Variants in AGAP3 observed in about 807,000 individuals in gnomAD.
The protein encoded by AGAP3 is arf-GAP with GTPase, ANK repeat and PH domain-containing protein 3.
In AGAP3, 24 loss-of-function variants were observed where a neutral mutation model predicts 96.9. The ratio of observed to expected loss-of-function variants is 0.25; its 90% CI spans 0.18 to 0.35. The LOEUF (loss-of-function observed/expected upper bound fraction) is 0.35, where lower values mean the gene tolerates loss of function less well. AGAP3 is among the 10% of genes least tolerant of loss of function. The pLI, the probability that AGAP3 is intolerant of heterozygous loss-of-function variation, is 1.00. For missense variants in AGAP3, 876 were observed against 1,254.2 expected, an observed-to-expected ratio of 0.70 and a Z score of 4.55; for synonymous variants, 563 against 536.1, an observed-to-expected ratio of 1.05 and a Z score of -0.69.
chr7:151,094,129 C>T (rs1798504962), intron 1 of AGAP3, among the ~76,000 whole-genome samples: 2 of 152,154 alleles, frequency 1.3e-5, no homozygotes, highest in Non-Finnish European at 1.5e-5. Flanking sequence ...TAACAAAGCT[C>T]TGCCGCTTGG....
chr7:151,123,031 C>T, intron 8 of AGAP3: 2 of 1,354,744 alleles, frequency 1.5e-6, no homozygotes, highest in Non-Finnish European at 1.9e-6. Flanking sequence ...GAGAAGAAGG[C>T]AGCTCGGCCC....
rs1425823642 is a variant in AGAP3, at chr7:151,143,522, G to A, written c.2455G>A (p.Asp819Asn). Residue 819 changes from aspartate to asparagine, a missense_variant, in exon 17 of 18, where the codon GAC becomes AAC. Transcript: ENST00000397238. The surrounding 1 kb of genome is among the most constrained non-coding windows in gnomAD (Gnocchi z 5.9). ...SKEEVNETYG[D>N]GDGRTALHLS... ...AGAGGAGGTGAATGAGACCTATGGG[G>A]ACGGGGACGGGCGGACGGCTCTACA... 6.2e-6 allele frequency: 10 copies of A among 1,614,088 alleles called. No individual in the cohort carries two copies. Among genetic ancestry groups the A allele is most frequent in the African/African-American group, 2.7e-5 (2 of 74,934 alleles).
At position 151,134,641 on chromosome 7, in the gene AGAP3, T is replaced by C. The variant is rs1800525320; in HGVS notation, c.1495+73T>C. On this transcript the variant is annotated intron_variant, in intron 11 of 17. Coordinates refer to ENST00000397238, the MANE Select transcript of AGAP3 (RefSeq NM_031946.7). ...CCAAGGCAAGCAGGCATTCTGGGCT[T>C]GGCTGCTTCTCAGCCTGGGCACAGG... 5 of 1,456,804 alleles carry C rather than the reference T, an allele frequency of 3.4e-6. No homozygotes were observed. The Admixed American group carries it at 8.1e-5, about 24-fold the overall frequency. 90.2% of individuals were successfully genotyped at this position (1,456,804 alleles called of 1,614,324 possible).
chr7:151,122,316 T>C (rs1241279550), intron 8 of AGAP3, among the ~76,000 whole-genome samples: 2 of 151,758 alleles, frequency 1.3e-5, no homozygotes, highest in South Asian at 4.1e-4. Context: ...TGCCCGGTTC[T>C]CCTTGTTCCC....
Position 151,142,947 on chromosome 7 carries a change from T to G in AGAP3, c.2273+313T>G, listed in dbSNP as rs1013549483. Among the ~76,000 whole-genome samples, 2 of 152,132 alleles carry G rather than the reference T, an allele frequency of 1.3e-5. No individual in the cohort carries two copies. Among genetic ancestry groups the G allele is most frequent in the Non-Finnish European group, 2.9e-5 (2 of 68,004 alleles). ...TGAGATGGGGAGAATGGGTGAGAGA[T>G]AGGGGAGTGTGTGGCCCCCCAGTGC... On this transcript the variant is annotated intron_variant, in intron 16 of 17. Coordinates refer to ENST00000397238, the MANE Select transcript of AGAP3 (RefSeq NM_031946.7). The surrounding 1 kb of genome is among the most constrained non-coding windows in gnomAD (Gnocchi z 7.5).
intron 11 of AGAP3, among the ~76,000 whole-genome samples, chr7:151,137,559 C>T (rs1033800359): frequency 1.3e-5 from 2 of 152,126 alleles, no homozygotes; most frequent in Non-Finnish European, 1.5e-5. Context: ...CCTCCACTGC[C>T]GGCCGCCGCG....
chr7:151,142,663 A>T lies in AGAP3; in HGVS notation c.2273+29A>T. ...AGCAGATGGTGCCCTGGAGCTGGCC[A>T]GGAATGGGGGAAGCGTTGGGGGCTC... On this transcript the variant is annotated intron_variant, in intron 16 of 17. Coordinates refer to ENST00000397238, the MANE Select transcript of AGAP3 (RefSeq NM_031946.7). The surrounding 1 kb of genome is among the most constrained non-coding windows in gnomAD (Gnocchi z 7.5). 6.2e-7 allele frequency: 1 copy of T among 1,603,554 alleles called. No individual in the cohort carries two copies. Among genetic ancestry groups the T allele is most frequent in the Non-Finnish European group, 8.5e-7 (1 of 1,175,508 alleles).
intron 5 of AGAP3, 44 bp downstream of exon 5, chr7:151,117,821 CG>C (rs747259831): frequency 4.1e-5 from 64 of 1,570,508 alleles, no homozygotes; most frequent in African/African-American, 1.9e-4. Flanking sequence ...CAGGAAGTCC[CG>C]GGCAACGATG....
Position 151,123,857 on chromosome 7 carries a change from G to C in AGAP3, c.1192G>C (p.Gly398Arg). ...KAAECKVDSI[G>R]SGRAIPIKQG... ...TGCCGAGTGCAAGGTGGACAGCATCGGGAGCGGCCGCGCCATCCCCATCAA... is the reference window on the plus strand; with the variant it reads ...TGCCGAGTGCAAGGTGGACAGCATCCGGAGCGGCCGCGCCATCCCCATCAA... The change falls in exon 9 of 18, where the codon GGG (glycine) becomes CGG (arginine). Residue 398 changes from glycine to arginine, a missense_variant. Transcript: ENST00000397238. The C allele has an allele frequency of 6.2e-7, 1 of 1,610,982 alleles. No individual in the cohort carries two copies. The highest frequency in any genetic ancestry group is 8.5e-7 in the Non-Finnish European group (1 of 1,179,886).
Position 151,108,261 on chromosome 7 carries a change from G to A in AGAP3, c.332-8532G>A, listed in dbSNP as rs943908601. Among the ~76,000 whole-genome samples the A allele has an allele frequency of 2.6e-5, 4 of 152,190 alleles. No homozygotes were observed. Among genetic ancestry groups the A allele is most frequent in the Non-Finnish European group, 5.9e-5 (4 of 68,036 alleles). ...CAGCACAGAGCTCATGGATAGACAG[G>A]AAAACAAACTGCTCTCAAGTACCAT... On this transcript the variant is annotated intron_variant, in intron 1 of 17. Transcript: ENST00000397238. The surrounding 1 kb of genome is among the most constrained non-coding windows in gnomAD (Gnocchi z 4.2).
At chr7:151,137,681 T>C (rs182634556) in intron 11 of AGAP3, 46 of 159,230 alleles carry the variant, frequency 2.9e-4, no homozygotes, top group Non-Finnish European at 4.1e-4. Context: ...TAATTACTAA[T>C]ACTAATTAGA....
intron 1 of AGAP3, among the ~76,000 whole-genome samples, chr7:151,098,706 G>T (rs907844746): frequency 1.4e-5 from 2 of 147,774 alleles, no homozygotes; most frequent in Admixed American, 1.3e-4. Context: ...ATACTGAAGT[G>T]TATCCTCTTT....
rs930674998 is a variant in AGAP3, at chr7:151,139,966, C to T, written c.1667-13C>T. The T allele has an allele frequency of 1.5e-5, 23 of 1,535,460 alleles. No homozygotes were observed. In the East Asian group the frequency reaches 5.6e-4, roughly 37 times the overall value. ...CCCTTCTTCCCACACTTCTCCAACT[C>T]TCCCCTCACCAGCCAGTGGCCCAGC... On this transcript the variant is annotated splice_polypyrimidine_tract_variant and intron_variant, in intron 12 of 17. Coordinates refer to ENST00000397238, the MANE Select transcript of AGAP3 (RefSeq NM_031946.7). The surrounding 1 kb of genome is among the most constrained non-coding windows in gnomAD (Gnocchi z 4.9).
intron 8 of AGAP3, chr7:151,120,532 C>A: frequency 1.1e-6 from 1 of 902,672 alleles, no homozygotes; most frequent in Non-Finnish European, 1.6e-6. Flanking sequence ...AATGAACCGG[C>A]GGCCGGAAGG....
rs1481041482 is a variant in AGAP3, at chr7:151,118,542, A to G, written c.879A>G (p.Gln293=). Residue 293 remains glutamine (Q), a synonymous_variant, in exon 7 of 18, where the codon CAA becomes CAG. Transcript: ENST00000397238. The surrounding 1 kb of genome is among the most constrained non-coding windows in gnomAD (Gnocchi z 6.1). The stretch of plus-strand genomic sequence containing the variant: ...TAGTGGCCTTGCGAAAGAAGCAGCA[A>G]CTGGCCATCGGGCCCTGCAAGTCAC... ...QKVVALRKKQ[Q]LAIGPCKSLP... is the part of the protein sequence containing the mutation. 3.1e-6 allele frequency: 5 copies of G among 1,614,030 alleles called. No homozygotes were observed. In the African/African-American group the frequency reaches 4.0e-5, roughly 13 times the overall value.
chr7:151,093,047 G>C (rs1798459846), intron 1 of AGAP3, among the ~76,000 whole-genome samples: 1 of 152,296 alleles, frequency 6.6e-6, no homozygotes, highest in Non-Finnish European at 1.5e-5. Flanking sequence ...TGAGGCGTCT[G>C]TCTCCCATGG....
rs752635346 is a variant in AGAP3, at chr7:151,141,750, C to T, written c.1805-148C>T. 2 of 964,696 alleles carry T rather than the reference C, an allele frequency of 2.1e-6. No homozygotes were observed. The highest frequency in any genetic ancestry group is 2.6e-5 in the East Asian group (1 of 38,962). The allele number at this position is 964,696 out of a possible 1,614,324, so 59.8% of individuals were successfully genotyped here. On this transcript the variant is annotated intron_variant, in intron 13 of 17. Transcript: ENST00000397238. The surrounding 1 kb of genome is among the most constrained non-coding windows in gnomAD (Gnocchi z 4.2). ...ACTCTGGCCTCCCCCTGCAAGCTGT[C>T]CTGGAGTGTGTGGCCTTGCAGCTGG...
At chr7:151,117,269 C>T (rs546020885) in intron 3 of AGAP3, 87 bp downstream of exon 3, 1 of 1,587,072 alleles carries the variant, frequency 6.3e-7, no homozygotes, top group East Asian at 2.2e-5. Context: ...GTCTCCAGCC[C>T]CCTTCCAGTC....
At chr7:151,111,047 CCT>C (rs1348676109) in intron 1 of AGAP3, among the ~76,000 whole-genome samples, 4 of 152,268 alleles carry the variant, frequency 2.6e-5, no homozygotes, top group African/African-American at 9.6e-5. Flanking sequence ...CCCGTCTTCT[CCT>C]CTGATTCCCT....
Sources: gnomAD v4.1 joint callset for allele counts (sites outside exome capture counted in the v4.1 genomes callset) on GRCh38, gnomAD v4.1.1 for gene constraint, Gnocchi (gnomAD v3.1) non-coding constraint, MANE v1.5 for transcripts, NCBI Gene and HGNC (gene_info 2026-07-23, HGNC 2026-07-21) for gene names.